Variants in INTU observed in about 807,000 individuals in gnomAD.
The protein encoded by INTU is protein inturned.
A neutral mutation model predicts 100.5 loss-of-function variants in INTU; 68 were observed. The ratio of observed to expected loss-of-function variants is 0.68; its 90% CI spans 0.56 to 0.83. The LOEUF (loss-of-function observed/expected upper bound fraction) is 0.83, where lower values mean the gene tolerates loss of function less well. Among genes scored for constraint, INTU ranks in the 40% least tolerant of loss-of-function variants. The pLI is 0.00. For synonymous variants in INTU, 357 were observed against 395.7 expected, an observed-to-expected ratio of 0.90 and a Z score of 1.16; for missense variants, 1,071 against 1,114.7, an observed-to-expected ratio of 0.96 and a Z score of 0.56.
At chr4:127,652,117 G>A (rs1212023984) in intron 2 of INTU, among the ~76,000 whole-genome samples, 4 of 131,630 alleles carry the variant, frequency 3.0e-5, no homozygotes, top group South Asian at 2.8e-4. Context: ...AGGAGATTTT[G>A]GGCTGAGACA....
At position 127,687,966 on chromosome 4, in the gene INTU, A is replaced by G. The variant is rs75174788; in HGVS notation, c.1449+99A>G. ...TAGACTTTTTGTTATTTTTGGAATT[A>G]TGGTTAAAAATTAAAGAGGCAATTG... On this transcript the variant is annotated intron_variant, in intron 8 of 15. Coordinates refer to ENST00000335251, the MANE Select transcript of INTU (RefSeq NM_015693.4). The G allele has an allele frequency of 2.4e-3, 2,031 of 850,176 alleles. 28 individuals carry two copies. The African/African-American group carries it at 0.031, about 13-fold the overall frequency. 52.7% of individuals were successfully genotyped at this position (850,176 alleles called of 1,614,324 possible).
chr4:127,668,259 T>G (rs184685400), intron 4 of INTU, among the ~76,000 whole-genome samples: 74 of 152,128 alleles, frequency 4.9e-4, no homozygotes, highest in African/African-American at 1.6e-3. Flanking sequence ...GATTTTGAAG[T>G]TTGTCATTTT....
At position 127,720,945 on chromosome 4, in the gene INTU, A is replaced by G. The variant is rs1731337676; in HGVS notation, c.*4509A>G. The G allele has an allele frequency of 6.6e-6, 1 of 151,842 alleles. No homozygotes were observed. The highest frequency in any genetic ancestry group is 1.5e-5 in the Non-Finnish European group (1 of 67,960). 9.4% of individuals were successfully genotyped at this position (151,842 alleles called of 1,614,324 possible). ...TCCAGCTTGCCACTCTGCGTCTTTT[A>G]TTTGGGGCATTTAGTGCATTTACAT... On this transcript the variant is annotated 3_prime_UTR_variant, in exon 16 of 16. Transcript: ENST00000335251.
In INTU at chr4:127,719,715, G is replaced by A. The variant is rs999189912; in HGVS notation, c.*3279G>A. ...TTCTTCCTGGTTCAGTCTTGGGAGGGTGTATGTGTCCAGGAATTTATCCAT... is the reference window on the plus strand; with the variant it reads ...TTCTTCCTGGTTCAGTCTTGGGAGGATGTATGTGTCCAGGAATTTATCCAT... On this transcript the variant is annotated 3_prime_UTR_variant, in exon 16 of 16. Transcript: ENST00000335251. 1.3e-5 allele frequency: 2 copies of A among 152,082 alleles called. No individual in the cohort carries two copies. Among genetic ancestry groups the A allele is most frequent in the African/African-American group, 4.8e-5 (2 of 41,390 alleles). 9.4% of individuals were successfully genotyped at this position (152,082 alleles called of 1,614,324 possible).
At chr4:127,651,708 T>C (rs1173231422) in intron 2 of INTU, among the ~76,000 whole-genome samples, 1 of 151,932 alleles carries the variant, frequency 6.6e-6, no homozygotes, top group East Asian at 1.9e-4. Context: ...GCGGGCTCTT[T>C]TTTGGTTCCA....
intron 2 of INTU, among the ~76,000 whole-genome samples, chr4:127,644,774 T>A (rs1727497021): frequency 1.3e-5 from 2 of 152,226 alleles, no homozygotes; most frequent in Admixed American, 6.5e-5. Flanking sequence ...AATTTAAAAG[T>A]AATAACAGTT....
At chr4:127,661,509 C>T (rs1340101323) in intron 3 of INTU, among the ~76,000 whole-genome samples, 2 of 152,100 alleles carry the variant, frequency 1.3e-5, no homozygotes, top group Non-Finnish European at 2.9e-5. Flanking sequence ...CATAGACACT[C>T]CAGCTTCATC....
In INTU at chr4:127,643,937, T is replaced by C. The variant is rs1435521072; in HGVS notation, c.563T>C (p.Ile188Thr). 1.2e-6 allele frequency: 2 copies of C among 1,614,062 alleles called. No individual in the cohort carries two copies. Among genetic ancestry groups the C allele is most frequent in the African/African-American group, 2.7e-5 (2 of 74,924 alleles). ...QLKLLEVLVG[I>T]IHQTKWSWRR... is the part of the protein sequence containing the mutation. ...AAGCTTCTGGAAGTGCTGGTTGGAA[T>C]TATTCATCAGACCAAGTGGAGCTGG... The change falls in exon 2 of 16, where the codon ATT becomes ACT. Residue 188 changes from isoleucine (I) to threonine (T), a missense_variant. Ile to Thr is a moderately conservative substitution (Grantham distance 89). Coordinates refer to ENST00000335251, the MANE Select transcript of INTU (RefSeq NM_015693.4).
chr4:127,707,005 TAAGTTG>T, intron 12 of INTU, 36 bp downstream of exon 12: 1 of 1,571,368 alleles, frequency 6.4e-7, no homozygotes, highest in Non-Finnish European at 8.6e-7. Flanking sequence ...TTCTGGGAGC[TAAGTTG>T]TCTCTCCAGT....
intron 11 of INTU, 137 bp from the exon 12 acceptor site, chr4:127,706,350 G>T: frequency 1.4e-6 from 1 of 708,422 alleles, no homozygotes; most frequent in Non-Finnish European, 2.2e-6. Flanking sequence ...GAAAGATGAC[G>T]GAGGAATTTT....
At chr4:127,642,788 A>C (rs1727389400) in intron 1 of INTU, among the ~76,000 whole-genome samples, 1 of 151,186 alleles carries the variant, frequency 6.6e-6, no homozygotes, top group South Asian at 2.1e-4. Context: ...TTTTTTTTTC[A>C]GTGGCATACT....
Position 127,716,679 on chromosome 4 carries a change from T to C in INTU, c.*243T>C, listed in dbSNP as rs1198822320. 4.0e-6 allele frequency: 1 copy of C among 251,840 alleles called. No individual in the cohort carries two copies. Among genetic ancestry groups the C allele is most frequent in the Non-Finnish European group, 7.5e-6 (1 of 133,638 alleles). The allele number at this position is 251,840 out of a possible 1,614,324, so 15.6% of individuals were successfully genotyped here. A position where few individuals can be genotyped will look rare whatever the true frequency, so the allele number is the denominator to read the frequency against. ...AAAGAAGGGATTGTTAACTTATTGC[T>C]ATTTTGGTATATAATGTTAATTTAT... On this transcript the variant is annotated 3_prime_UTR_variant, in exon 16 of 16. Coordinates refer to ENST00000335251, the MANE Select transcript of INTU (RefSeq NM_015693.4).
chr4:127,682,652 G>A (rs927583606), intron 6 of INTU, among the ~76,000 whole-genome samples: 10 of 150,226 alleles, frequency 6.7e-5, no homozygotes, highest in African/African-American at 2.2e-4. Flanking sequence ...GCTAAATGAC[G>A]AGTTAATGGG....
chr4:127,656,227 T>G (rs929979696), intron 2 of INTU, among the ~76,000 whole-genome samples: 1 of 152,214 alleles, frequency 6.6e-6, no homozygotes, highest in Non-Finnish European at 1.5e-5. Flanking sequence ...CTGTTCCTAT[T>G]TGGCCATCTT....
In INTU at chr4:127,644,023, G is replaced by T. The variant is rs1415730345; in HGVS notation, c.649G>T (p.Gly217Ter). The T allele has an allele frequency of 1.2e-6, 2 of 1,613,978 alleles. No homozygotes were observed. The highest frequency in any genetic ancestry group is 1.7e-6 in the Non-Finnish European group (2 of 1,179,972). Residue 217 changes from glycine to a stop codon, truncating the protein, a stop_gained, in exon 2 of 16, where the codon GGA (glycine) becomes TGA (stop). Coordinates refer to ENST00000335251, the MANE Select transcript of INTU (RefSeq NM_015693.4). LOFTEE classifies it high-confidence loss of function. ...RLVVHGLLPG[G>*]SAMKSGQVLI... The stretch of plus-strand genomic sequence containing the variant: ...TGTGGTTCATGGCCTGCTGCCAGGG[G>T]GATCTGCTATGAAGAGCGGTCAGGT...
Position 127,722,948 on chromosome 4 carries a change from T to A in INTU, c.*6512T>A, listed in dbSNP as rs1251334387. ...CATGAGAGTGGACAGATCTCCTGCC[T>A]CACGGGAGTTCCCAGAGCCGGAGTA... On this transcript the variant is annotated 3_prime_UTR_variant, in exon 16 of 16. Transcript: ENST00000335251. 1.3e-5 allele frequency: 2 copies of A among 152,052 alleles called. No homozygotes were observed. The allele number at this position is 152,052 out of a possible 1,614,324, so 9.4% of individuals were successfully genotyped here.
intron 8 of INTU, among the ~76,000 whole-genome samples, chr4:127,699,102 C>T (rs1017074707): frequency 3.3e-5 from 5 of 151,858 alleles, no homozygotes; most frequent in African/African-American, 4.8e-5. Context: ...CTCTGGGAGG[C>T]GGATTGCAGT....
intron 2 of INTU, among the ~76,000 whole-genome samples, chr4:127,651,807 G>A (rs1484551541): frequency 6.6e-6 from 1 of 151,042 alleles, no homozygotes; most frequent in East Asian, 1.9e-4. Context: ...AATTACCTTG[G>A]GCAGTATGGC....
At chr4:127,704,549 C>T (rs1311323092) in intron 10 of INTU, among the ~76,000 whole-genome samples, 1 of 152,078 alleles carries the variant, frequency 6.6e-6, no homozygotes, top group African/African-American at 2.4e-5. Flanking sequence ...CCTGCTTTGG[C>T]CTCCCAAAGT....
Sources: allele counts gnomAD v4.1 joint callset (sites outside exome capture counted in the v4.1 genomes callset), GRCh38; gene constraint gnomAD v4.1.1; transcripts MANE v1.5; gene names NCBI Gene and HGNC (gene_info 2026-07-23, HGNC 2026-07-21).